The following TTC34 variants were observed in gnomAD, a reference collection of about 807,000 sequenced individuals.
TTC34 encodes the protein tetratricopeptide repeat domain 34, also known as tetratricopeptide repeat protein 34.
In TTC34, 44 loss-of-function variants were observed where a neutral mutation model predicts 40.7. The ratio of observed to expected loss-of-function variants is 1.08; its 90% CI spans 0.85 to 1.39. The LOEUF (loss-of-function observed/expected upper bound fraction) is 1.39. Ranked by LOEUF, TTC34 falls within the 40% of genes most tolerant of loss-of-function variation. The probability of loss-of-function intolerance (pLI) is 0.00; values close to 1 mark genes in which losing one functional copy is unlikely to be tolerated. For synonymous variants in TTC34, 422 were observed against 398.6 expected (o/e 1.06, Z -0.70); for missense variants, 884 against 838.0 (o/e 1.05, Z -0.68).
chr1:2,785,400 C>G (rs1443403835), intron 5 of TTC34, among the ~76,000 whole-genome samples: 4 of 152,136 alleles, frequency 2.6e-5, no homozygotes, highest in Admixed American at 2.0e-4. Flanking sequence ...GCAGGCAGCA[C>G]CCCCGTGCTG....
At chr1:2,701,014 A>C (rs61766508) in intron 6 of TTC34, among the ~76,000 whole-genome samples, 3 of 5,624 alleles carry the variant, frequency 5.3e-4, no homozygotes, top group Non-Finnish European at 8.3e-4. Context: ...GGAGCAGCAC[A>C]CACAACCTTA....
chr1:2,789,559 G>A (rs1643636711), exon 3 of TTC34: 2 of 1,489,614 alleles, frequency 1.3e-6, no homozygotes, highest in Non-Finnish European at 8.9e-7. Context: ...CCTGCGCTCT[G>A]GACGGCCCGG....
At chr1:2,700,064 C>T (rs1166435711) in intron 6 of TTC34, among the ~76,000 whole-genome samples, 14 of 120,150 alleles carry the variant, frequency 1.2e-4, no homozygotes, top group African/African-American at 3.5e-4. Flanking sequence ...CAGAGGTGAG[C>T]ATATGACCAC....
chr1:2,800,911 T>G (rs1643765823), intron 1 of TTC34, 43 bp from the exon 2 acceptor site: 4 of 398,280 alleles, frequency 1.0e-5, no homozygotes, highest in African/African-American at 4.1e-5. Context: ...GGGCGGCCAG[T>G]TCTCCTGCCC....
intron 2 of TTC34, among the ~76,000 whole-genome samples, chr1:2,799,723 C>A (rs987569377): frequency 6.6e-6 from 1 of 152,226 alleles, no homozygotes; most frequent in Non-Finnish European, 1.5e-5. Context: ...GCAGGGGGAG[C>A]CCAAGCTCTT....
At chr1:2,685,238 C>CG (rs1439408351) in intron 6 of TTC34, among the ~76,000 whole-genome samples, 2 of 31,482 alleles carry the variant, frequency 6.4e-5, no homozygotes, top group Non-Finnish European at 1.5e-4. Flanking sequence ...AGCACCCACA[C>CG]CCCAGGTGAG....
intron 6 of TTC34, chr1:2,775,729 C>A (rs1437834965): frequency 3.4e-5 from 5 of 146,762 alleles, no homozygotes; most frequent in African/African-American, 1.4e-4. Context: ...AAGTGTCTGA[C>A]AGCCTAGAGC....
rs181288331 is a variant in TTC34, at chr1:2,796,109, C to T, written c.784+3935G>A. Among the ~76,000 whole-genome samples the T allele has an allele frequency of 2.0e-5, 3 of 152,312 alleles. No individual in the cohort carries two copies. Among genetic ancestry groups the T allele is most frequent in the East Asian group, 3.9e-4 (2 of 5,180 alleles). ...CCAAGTGAGGATGCAGCATTCAAGG[C>T]GCCATCTTGGAATCCGAATCCCCAA... On this transcript the variant is annotated intron_variant, in intron 2 of 8. Coordinates refer to ENST00000401095, the Ensembl canonical transcript of TTC34. This position sits in a 1 kb window ranked among gnomAD's most constrained non-coding sequence, Gnocchi z 4.5.
intron 6 of TTC34, among the ~76,000 whole-genome samples, chr1:2,655,532 A>G (rs1570761614): frequency 7.7e-6 from 1 of 129,704 alleles, no homozygotes; most frequent in Non-Finnish European, 1.6e-5. Flanking sequence ...CAGCACGCAC[A>G]CCCCCAGTGA....
chr1:2,759,979 ATGGTCTGGAGAAG>A (rs1641642059), intron 6 of TTC34, among the ~76,000 whole-genome samples: 4 of 117,072 alleles, frequency 3.4e-5, no homozygotes, highest in Non-Finnish European at 5.2e-5. Context: ...TGAGCATCTG[ATGGTCTGGAGAAG>A]CACCCACAAC....
At chr1:2,651,788 G>C (rs1024763511) in intron 6 of TTC34, among the ~76,000 whole-genome samples, 1 of 150,896 alleles carries the variant, frequency 6.6e-6, no homozygotes, top group Non-Finnish European at 1.5e-5. Flanking sequence ...TCTGACAGCC[G>C]GAAAAACACC....
intron 2 of TTC34, 84 bp from the exon 3 acceptor site, chr1:2,790,430 G>A (rs1643650917): frequency 2.5e-6 from 1 of 397,808 alleles, no homozygotes; most frequent in Non-Finnish European, 4.4e-6. Flanking sequence ...CCAGGTCCAG[G>A]GCTTGGACTC....
At chr1:2,700,170 T>C (rs1164731665) in intron 6 of TTC34, among the ~76,000 whole-genome samples, 3 of 64,208 alleles carry the variant, frequency 4.7e-5, no homozygotes, top group South Asian at 5.4e-4. Context: ...CATCACATAC[T>C]CCCCCAGGTG....
At chr1:2,750,595 G>A (rs1406765333) in intron 6 of TTC34, among the ~76,000 whole-genome samples, 3 of 129,056 alleles carry the variant, frequency 2.3e-5, no homozygotes, top group Non-Finnish European at 4.7e-5. Flanking sequence ...TCGTGGAGCA[G>A]CACCCCACAC....
At chr1:2,793,935 C>T (rs1455594184) in intron 2 of TTC34, among the ~76,000 whole-genome samples, 1 of 151,616 alleles carries the variant, frequency 6.6e-6, no homozygotes, top group East Asian at 1.9e-4. Context: ...ACTCCCCTAC[C>T]TCTCCCTTCC....
At chr1:2,768,376 C>T (rs531930226) in intron 6 of TTC34, among the ~76,000 whole-genome samples, 212 of 152,094 alleles carry the variant, frequency 1.4e-3, no homozygotes, top group Non-Finnish European at 2.5e-3. Context: ...ACCATGCCCA[C>T]CACAAGGTGA....
chr1:2,681,909 C>T (rs1179820091), intron 6 of TTC34, among the ~76,000 whole-genome samples: 1 of 112,470 alleles, frequency 8.9e-6, no homozygotes, highest in Admixed American at 8.4e-5. Flanking sequence ...CCTGCACCAC[C>T]AGGTGCGCAT....
At chr1:2,644,241 G>T in intron 8 of TTC34, 23 bp downstream of exon 8, 1 of 1,524,744 alleles carries the variant, frequency 6.6e-7, no homozygotes, top group Non-Finnish European at 8.8e-7. Flanking sequence ...TGGGGTGGGA[G>T]ATCTGTGGGG....
intron 2 of TTC34, among the ~76,000 whole-genome samples, chr1:2,794,331 A>G (rs763007165): frequency 3.3e-5 from 5 of 152,190 alleles, no homozygotes; most frequent in Non-Finnish European, 5.9e-5. Context: ...ATTATCTTTC[A>G]ATAAAGTTTT....
Sources: allele counts gnomAD v4.1 joint callset (sites outside exome capture counted in the v4.1 genomes callset), GRCh38; gene constraint gnomAD v4.1.1; non-coding constraint Gnocchi (gnomAD v3.1); transcripts MANE v1.5; gene names NCBI Gene and HGNC (gene_info 2026-07-23, HGNC 2026-07-21).